Variants in CDH13 observed in about 807,000 individuals in gnomAD.
The protein encoded by CDH13 is cadherin 13, also known as cadherin-13.
Under a neutral mutation model 63.8 loss-of-function variants are expected in CDH13, and 24 were observed. The ratio of observed to expected loss-of-function variants is 0.38; its 90% CI spans 0.27 to 0.53. CDH13 has a LOEUF of 0.53. Ranked by LOEUF, CDH13 falls within the 20% of genes least tolerant of loss-of-function variation. The pLI is 0.85. For missense variants in CDH13, 1,049 were observed against 903.1 expected (o/e 1.16, Z -2.07); for synonymous variants, 503 against 355.3 (o/e 1.42, Z -4.67).
At chr16:83,149,903 C>T (rs919700971) in intron 4 of CDH13, among the ~76,000 whole-genome samples, 7 of 152,056 alleles carry the variant, frequency 4.6e-5, no homozygotes, top group African/African-American at 1.7e-4. Flanking sequence ...TTTTCTTCTT[C>T]CCAGAGAATT....
intron 2 of CDH13, among the ~76,000 whole-genome samples, chr16:82,882,451 G>A (rs1200195135): frequency 3.9e-5 from 6 of 152,178 alleles, no homozygotes; most frequent in Admixed American, 2.0e-4. Flanking sequence ...GTACACATGC[G>A]TATCAGGCAG....
chr16:83,419,672 G>T (rs533470688), intron 6 of CDH13, among the ~76,000 whole-genome samples: 5 of 152,098 alleles, frequency 3.3e-5, no homozygotes, highest in Non-Finnish European at 7.4e-5. Context: ...CCCAAACCCC[G>T]CAGTATTATA....
chr16:83,551,056 A>ACATCTATC (rs5818454), intron 7 of CDH13, among the ~76,000 whole-genome samples: 1 of 148,354 alleles, frequency 6.7e-6, no homozygotes, highest in Non-Finnish European at 1.5e-5. Flanking sequence ...TAAGTCATTT[A>ACATCTATC]TATCTATCTA....
chr16:83,267,158 G>A (rs1024042705), intron 5 of CDH13, among the ~76,000 whole-genome samples: 7 of 152,156 alleles, frequency 4.6e-5, no homozygotes, highest in Non-Finnish European at 8.8e-5. Context: ...GCCTTCAGAA[G>A]CAAGTACCAG....
intron 3 of CDH13, among the ~76,000 whole-genome samples, chr16:83,051,304 T>C (rs1480999023): frequency 2.6e-5 from 4 of 152,210 alleles, no homozygotes; most frequent in Non-Finnish European, 5.9e-5. Flanking sequence ...ATGGTATGTT[T>C]CCTTCCACAT....
At chr16:83,603,459 T>A (rs939242717) in intron 8 of CDH13, among the ~76,000 whole-genome samples, 2 of 152,178 alleles carry the variant, frequency 1.3e-5, no homozygotes, top group African/African-American at 4.8e-5. Flanking sequence ...ACTGTGATGC[T>A]CAGAGAATCC....
At chr16:83,604,182 G>A (rs908773693) in intron 8 of CDH13, among the ~76,000 whole-genome samples, 3 of 152,222 alleles carry the variant, frequency 2.0e-5, no homozygotes, top group Non-Finnish European at 2.9e-5. Flanking sequence ...GGAGGTAGAC[G>A]TCCCCCTTTC....
chr16:83,085,680 A>G (rs1435549137), intron 3 of CDH13, among the ~76,000 whole-genome samples: 1 of 152,246 alleles, frequency 6.6e-6, no homozygotes, highest in Non-Finnish European at 1.5e-5. Context: ...CAAGCTCTAC[A>G]GCAAGAAGAA....
chr16:83,201,840 G>A (rs751956301), intron 4 of CDH13, among the ~76,000 whole-genome samples: 7 of 151,940 alleles, frequency 4.6e-5, no homozygotes, highest in African/African-American at 1.2e-4. Context: ...GCGTGAACCC[G>A]GAAGGCAGAG....
chr16:82,713,558 C>G (rs574613443), intron 1 of CDH13, among the ~76,000 whole-genome samples: 2 of 151,934 alleles, frequency 1.3e-5, no homozygotes, highest in African/African-American at 4.8e-5. Context: ...GTCAAGAGTA[C>G]GGACTCAGAG....
chr16:83,748,330 C>A (rs1912780312), intron 11 of CDH13, 80 bp downstream of exon 11: 1 of 1,314,250 alleles, frequency 7.6e-7, no homozygotes, highest in South Asian at 1.5e-5. Flanking sequence ...TCTTCTGATA[C>A]ACCCAGGGGT....
At chr16:82,709,045 A>C (rs996836458) in intron 1 of CDH13, among the ~76,000 whole-genome samples, 1 of 152,234 alleles carries the variant, frequency 6.6e-6, no homozygotes, top group African/African-American at 2.4e-5. Context: ...AAGGGTAAGA[A>C]TCAGAGTGAG....
At chr16:82,892,525 G>C (rs2041115318) in intron 2 of CDH13, among the ~76,000 whole-genome samples, 2 of 152,198 alleles carry the variant, frequency 1.3e-5, no homozygotes, top group African/African-American at 4.8e-5. Context: ...AGTCTGTGTA[G>C]AGTGAGTCAT....
At chr16:83,324,522 C>T (rs1051678143) in intron 5 of CDH13, among the ~76,000 whole-genome samples, 1 of 152,206 alleles carries the variant, frequency 6.6e-6, no homozygotes, top group Non-Finnish European at 1.5e-5. Context: ...CCATGAGTAG[C>T]TTCGTTCACT....
At chr16:83,056,213 A>G (rs1232399599) in intron 3 of CDH13, among the ~76,000 whole-genome samples, 1 of 152,212 alleles carries the variant, frequency 6.6e-6, no homozygotes, top group Non-Finnish European at 1.5e-5. Flanking sequence ...AAGTAAGTAT[A>G]ATAACAATAG....
At chr16:82,865,071 C>A (rs184237496) in intron 2 of CDH13, among the ~76,000 whole-genome samples, 1 of 152,342 alleles carries the variant, frequency 6.6e-6, no homozygotes, top group African/African-American at 2.4e-5. Flanking sequence ...TACAGGTCAC[C>A]CTGATGCAAG....
intron 5 of CDH13, among the ~76,000 whole-genome samples, chr16:83,264,034 A>G (rs1907300721): frequency 6.6e-6 from 1 of 152,226 alleles, no homozygotes; most frequent in African/African-American, 2.4e-5. Context: ...TTGTGGCTCT[A>G]CATCCAATTT....
At chr16:83,513,137 C>G (rs188573919) in intron 7 of CDH13, among the ~76,000 whole-genome samples, 217 of 152,088 alleles carry the variant, frequency 1.4e-3, no homozygotes, top group South Asian at 1.7e-3. Context: ...GCCTGCTAGT[C>G]CCATGAGAAA....
At chr16:83,405,064 G>T (rs760088242) in intron 6 of CDH13, among the ~76,000 whole-genome samples, 2 of 151,704 alleles carry the variant, frequency 1.3e-5, no homozygotes, top group Non-Finnish European at 2.9e-5. Flanking sequence ...GTAAAAGCAG[G>T]TCAGTAACAG....
Sources: allele counts gnomAD v4.1 joint callset (sites outside exome capture counted in the v4.1 genomes callset), GRCh38; gene constraint gnomAD v4.1.1; transcripts MANE v1.5; gene names NCBI Gene and HGNC (gene_info 2026-07-23, HGNC 2026-07-21).